The following XPO1 variants were observed in gnomAD, a reference collection of about 807,000 sequenced individuals.
XPO1 encodes exportin 1.
In XPO1, 5 loss-of-function variants were observed where a neutral mutation model predicts 133.3. The observed-to-expected ratio is 0.04, with a 90% CI of 0.02 to 0.08. XPO1 has a LOEUF of 0.08. XPO1 is among the 10% of genes least tolerant of loss of function. The pLI is 1.00. For synonymous variants in XPO1, 419 were observed against 408.2 expected, an observed-to-expected ratio of 1.03 and a Z score of -0.32; for missense variants, 506 against 1,267.5, an observed-to-expected ratio of 0.40 and a Z score of 9.12.
At position 61,492,875 on chromosome 2, in the gene XPO1, G is replaced by C. The variant is rs756391376; in HGVS notation, c.1384+40C>G. 3 of 1,570,494 alleles carry C rather than the reference G, an allele frequency of 1.9e-6. No individual in the cohort carries two copies. The South Asian group carries it at 3.6e-5, about 19-fold the overall frequency. On this transcript the variant is annotated intron_variant, in intron 13 of 24. Transcript: ENST00000401558. The surrounding 1 kb of genome is among the most constrained non-coding windows in gnomAD (Gnocchi z 5.6). ...TAAAATGTATTTCCACCCCAGAATA[G>C]ATTTATAAAGGTAAAGATTAACAGT... is the stretch of plus-strand genomic sequence containing the variant.
intron 2 of XPO1, among the ~76,000 whole-genome samples, chr2:61,527,183 A>T (rs1308198486): frequency 6.6e-6 from 1 of 152,106 alleles, no homozygotes; most frequent in Admixed American, 6.6e-5. Context: ...AAAAATTCTT[A>T]TCTAGGCCAG....
At chr2:61,526,588 AAAC>A (rs1384740873) in intron 2 of XPO1, 67 bp from the exon 3 acceptor site, 1 of 1,261,032 alleles carries the variant, frequency 7.9e-7, no homozygotes, top group African/African-American at 1.6e-5. Flanking sequence ...ATTAAAATGA[AAAC>A]TACTGAGCAA....
chr2:61,505,208 G>A (rs1184054783), intron 4 of XPO1, among the ~76,000 whole-genome samples: 3 of 151,856 alleles, frequency 2.0e-5, no homozygotes, highest in African/African-American at 7.3e-5. Context: ...GCTGGGGCTG[G>A]CCTTGAACTC....
chr2:61,520,542 C>T (rs1217543623), intron 4 of XPO1, among the ~76,000 whole-genome samples: 1 of 151,838 alleles, frequency 6.6e-6, no homozygotes, highest in Non-Finnish European at 1.5e-5. Flanking sequence ...TTCCCAGCTA[C>T]TCGGGAGGCT....
chr2:61,492,367 A>T lies in XPO1; in HGVS notation c.1681T>A (p.Phe561Ile), dbSNP rs762905669. 1 of 1,608,668 alleles carries T rather than the reference A, an allele frequency of 6.2e-7. No homozygotes were observed. Among genetic ancestry groups the T allele is most frequent in the Non-Finnish European group, 8.5e-7 (1 of 1,178,856 alleles). The change falls in exon 15 of 25, where the codon TTT (phenylalanine) becomes ATT (isoleucine). Residue 561 changes from phenylalanine (F) to isoleucine (I), a missense_variant. Coordinates refer to ENST00000401558, the MANE Select transcript of XPO1 (RefSeq NM_003400.4). The surrounding 1 kb of genome is among the most constrained non-coding windows in gnomAD (Gnocchi z 5.6). The stretch of plus-strand genomic sequence containing the variant: ...AGCTTGTTAACTACAGTCTTCAGAA[A>T]TTTCCAGTGAGCTCTCAAAAAACGT... Reference protein sequence around the residue: ...YPRFLRAHWKFLKTVVNKLFE... With the variant: ...YPRFLRAHWKILKTVVNKLFE...
chr2:61,501,728 A>AAAAAAAAAAAAAAAAAAAAAAG (rs1558649299), intron 6 of XPO1, among the ~76,000 whole-genome samples: 17 of 138,248 alleles, frequency 1.2e-4, no homozygotes, highest in African/African-American at 4.4e-4. Flanking sequence ...CTCCAAAAAA[A>AAAAAAAAAAAAAAAAAAAAAAG]AAAAAAAAAG....
At chr2:61,505,392 CTTTTTTTTT>C (rs146283651) in intron 4 of XPO1, among the ~76,000 whole-genome samples, 1 of 135,844 alleles carries the variant, frequency 7.4e-6, no homozygotes, top group African/African-American at 2.7e-5. Flanking sequence ...AACATTCTCA[CTTTTTTTTT>C]TTTTTTTTGA....
chr2:61,481,736 T>G (rs1411841916), intron 23 of XPO1, among the ~76,000 whole-genome samples: 1 of 151,950 alleles, frequency 6.6e-6, no homozygotes, highest in East Asian at 1.9e-4. Flanking sequence ...TTTGCCACCG[T>G]GCCCAGCCTT....
In XPO1 at chr2:61,477,930, AAAAT is replaced by A. The variant is rs1696141639; in HGVS notation, c.*886_*889del. 4.5e-6 allele frequency: 1 copy of A among 223,694 alleles called. No individual in the cohort carries two copies. Among genetic ancestry groups the A allele is most frequent in the Admixed American group, 5.7e-5 (1 of 17,426 alleles). The allele number at this position is 223,694 out of a possible 1,614,324, so 13.9% of individuals were successfully genotyped here. The stretch of plus-strand genomic sequence containing the variant: ...TAGGAATAAATGAGTCAATAAAGGA[AAAAT>A]AAATGTAAACCAAGTTTATTTTGCT... On this transcript the variant is annotated 3_prime_UTR_variant, in exon 25 of 25. Coordinates refer to ENST00000401558, the MANE Select transcript of XPO1 (RefSeq NM_003400.4).
intron 2 of XPO1, among the ~76,000 whole-genome samples, chr2:61,533,391 A>C (rs1699241369): frequency 6.6e-6 from 1 of 152,214 alleles, no homozygotes; most frequent in Non-Finnish European, 1.5e-5. Context: ...ACATAAAAAT[A>C]CTTGGTATTC....
At chr2:61,526,004 A>T in intron 3 of XPO1, 6 of 1,062,072 alleles carry the variant, frequency 5.6e-6, no homozygotes, top group Non-Finnish European at 6.8e-6. Context: ...GTCCCATTAG[A>T]AGCCCAATGC....
At chr2:61,506,648 G>C (rs1697832870) in intron 4 of XPO1, among the ~76,000 whole-genome samples, 1 of 136,976 alleles carries the variant, frequency 7.3e-6, no homozygotes, top group Admixed American at 7.3e-5. Context: ...AAATAAATTA[G>C]TACACTCAAG....
Position 61,498,741 on chromosome 2 carries a change from T to G in XPO1, c.691A>C (p.Arg231=), listed in dbSNP as rs1435118134. 8 of 1,613,996 alleles carry G rather than the reference T, an allele frequency of 5.0e-6. No individual in the cohort carries two copies. The highest frequency in any genetic ancestry group is 1.7e-5 in the Admixed American group (1 of 59,998). The change falls in exon 9 of 25, where the codon AGA becomes CGA. Residue 231 remains arginine, a synonymous_variant. Coordinates refer to ENST00000401558, the MANE Select transcript of XPO1 (RefSeq NM_003400.4). The part of the protein sequence containing the change: ...LVHATLETLL[R]FLNWIPLGYI... The stretch of plus-strand genomic sequence containing the variant: ...CCCAGGGGAATCCAGTTCAGAAATC[T>G]GAGCAATGTTTCCAAGGTTGCATGT...
chr2:61,521,820 A>G (rs1698706421), intron 4 of XPO1, among the ~76,000 whole-genome samples: 1 of 152,050 alleles, frequency 6.6e-6, no homozygotes, highest in Admixed American at 6.6e-5. Flanking sequence ...CAGTGGCACA[A>G]TGATGGCTCA....
At chr2:61,482,898 T>C (rs1573102355) in intron 22 of XPO1, 59 bp downstream of exon 22, 1 of 1,600,288 alleles carries the variant, frequency 6.2e-7, no homozygotes, top group Non-Finnish European at 8.5e-7. Flanking sequence ...GCTGGGATTA[T>C]AGGCGTGAGG....
chr2:61,532,561 G>A (rs1699202905), intron 2 of XPO1, among the ~76,000 whole-genome samples: 2 of 151,948 alleles, frequency 1.3e-5, no homozygotes, highest in Non-Finnish European at 2.9e-5. Context: ...TTTCTGGCCA[G>A]GCGCGGTGGC....
chr2:61,536,441 T>G (rs1320089562), intron 1 of XPO1: 1 of 152,286 alleles, frequency 6.6e-6, no homozygotes, highest in East Asian at 1.9e-4. Flanking sequence ...CACTAGGGAT[T>G]ATCCAGCTTA....
At chr2:61,496,196 T>G (rs1697233243) in intron 10 of XPO1, among the ~76,000 whole-genome samples, 1 of 151,956 alleles carries the variant, frequency 6.6e-6, no homozygotes, top group African/African-American at 2.4e-5. Flanking sequence ...ATCACAAACA[T>G]ACATAGTAAT....
intron 24 of XPO1, 65 bp from the exon 25 acceptor site, chr2:61,479,031 G>A: frequency 6.4e-7 from 1 of 1,561,754 alleles, no homozygotes; most frequent in South Asian, 1.2e-5. Flanking sequence ...AGAAATCATA[G>A]ATGAGCAATT....
Sources: allele counts gnomAD v4.1 joint callset (sites outside exome capture counted in the v4.1 genomes callset), GRCh38; gene constraint gnomAD v4.1.1; non-coding constraint Gnocchi (gnomAD v3.1); transcripts MANE v1.5; gene names NCBI Gene and HGNC (gene_info 2026-07-23, HGNC 2026-07-21).